SERPINA12: variants seen among roughly 807,000 people sequenced by gnomAD.
SERPINA12 encodes serpin family A member 12, also known as serpin A12.
A neutral mutation model predicts 25.9 loss-of-function variants in SERPINA12; 21 were observed. The observed-to-expected ratio is 0.81, with a 90% CI of 0.58 to 1.17. SERPINA12 has a LOEUF of 1.17. SERPINA12 is among the 50% of genes most tolerant of loss of function. SERPINA12 has a pLI of 0.00. For missense variants in SERPINA12, 562 were observed against 508.3 expected (o/e 1.11, Z -1.02); for synonymous variants, 220 against 196.0 (o/e 1.12, Z -1.02).
At chr14:94,489,574 AG>A in intron 4 of SERPINA12, 45 bp downstream of exon 4, 1 of 1,594,458 alleles carries the variant, frequency 6.3e-7, no homozygotes, top group Non-Finnish European at 8.6e-7. Flanking sequence ...GGCTGGGGGA[AG>A]GCCCCTGTGC....
chr14:94,495,770 A>G (rs1900390941), intron 3 of SERPINA12, among the ~76,000 whole-genome samples: 1 of 152,176 alleles, frequency 6.6e-6, no homozygotes, highest in South Asian at 2.1e-4. Context: ...CGCTGACACT[A>G]AGTCCCCAAG....
chr14:94,497,288 C>A (rs994011619), intron 2 of SERPINA12, among the ~76,000 whole-genome samples: 1 of 152,156 alleles, frequency 6.6e-6, no homozygotes, highest in African/African-American at 2.4e-5. Context: ...GGAGACCCAC[C>A]AAGTGATCAC....
At chr14:94,514,223 T>C (rs1003238976), upstream of SERPINA12, among the ~76,000 whole-genome samples, 1 of 152,258 alleles carries the variant, frequency 6.6e-6, no homozygotes, top group Non-Finnish European at 1.5e-5. Flanking sequence ...CTTTAATTAT[T>C]ATTTTGTGAT....
intron 1 of SERPINA12, among the ~76,000 whole-genome samples, chr14:94,501,500 A>T (rs1900720913): frequency 6.6e-6 from 1 of 152,192 alleles, no homozygotes; most frequent in South Asian, 2.1e-4. Context: ...CCAGGTCTGG[A>T]TAGCGGTCCT....
intron 3 of SERPINA12, among the ~76,000 whole-genome samples, chr14:94,496,081 T>C (rs1900403753): frequency 6.6e-6 from 1 of 152,154 alleles, no homozygotes; most frequent in Admixed American, 6.5e-5. Context: ...AGACTGCCAC[T>C]CACCCTTGAA....
chr14:94,492,628 C>T (rs952615281), intron 3 of SERPINA12, among the ~76,000 whole-genome samples: 12 of 152,296 alleles, frequency 7.9e-5, no homozygotes, highest in African/African-American at 2.9e-4. Flanking sequence ...GGGTGATGTT[C>T]CTGAGTAGCA....
intron 1 of SERPINA12, chr14:94,501,012 C>T: frequency 4.1e-6 from 4 of 985,040 alleles, no homozygotes; most frequent in African/African-American, 1.8e-5. Context: ...CCTTCTACCC[C>T]CAAAAACCAC....
At position 94,487,378 on chromosome 14, in the gene SERPINA12, A is replaced by G. The variant is rs1384885932; in HGVS notation, c.1170T>C (p.Tyr390=). ...TTTTCTCGCTGTAAATCAGCAGCAG[A>G]TAGGGTTTGTCTATCTTGACGACGA... The part of the protein sequence containing the change: ...TPLVVKIDKP[Y]LLLIYSEKIP... Residue 390 remains tyrosine (Y), a synonymous_variant, in exon 5 of 5, where the codon TAT becomes TAC. Transcript: ENST00000677451. 7.4e-6 allele frequency: 12 copies of G among 1,613,984 alleles called. No individual in the cohort carries two copies. The East Asian group carries it at 1.8e-4, about 24-fold the overall frequency.
At chr14:94,515,594 G>A (rs1010327789) in intron 2 of SERPINA12, among the ~76,000 whole-genome samples, 2 of 152,164 alleles carry the variant, frequency 1.3e-5, no homozygotes, top group Admixed American at 6.5e-5. Flanking sequence ...AGCTGGGGAC[G>A]GCAGGGACAG....
chr14:94,514,594 G>A (rs1324995997), intron 2 of SERPINA12, among the ~76,000 whole-genome samples: 1 of 152,238 alleles, frequency 6.6e-6, no homozygotes, highest in Admixed American at 6.5e-5. Context: ...TGGGCATTGG[G>A]GGTGGGGTGC....
chr14:94,514,881 C>T (rs1279277234), intron 2 of SERPINA12, among the ~76,000 whole-genome samples: 1 of 152,120 alleles, frequency 6.6e-6, no homozygotes, highest in Admixed American at 6.5e-5. Flanking sequence ...GGCTGGATGT[C>T]AAGACAGGAT....
chr14:94,515,109 G>A (rs1246313713), intron 2 of SERPINA12, among the ~76,000 whole-genome samples: 1 of 152,234 alleles, frequency 6.6e-6, no homozygotes, highest in Non-Finnish European at 1.5e-5. Context: ...GTCCCCAAGG[G>A]CCAGCACGGC....
At chr14:94,516,834 C>T (rs1222140563) in intron 1 of SERPINA12, among the ~76,000 whole-genome samples, 4 of 152,178 alleles carry the variant, frequency 2.6e-5, no homozygotes, top group Non-Finnish European at 4.4e-5. Flanking sequence ...CACTTCTGAA[C>T]ACAGGGGTCA....
chr14:94,516,620 A>G (rs1438208125), intron 1 of SERPINA12, among the ~76,000 whole-genome samples: 4 of 152,152 alleles, frequency 2.6e-5, no homozygotes, highest in South Asian at 2.1e-4. Flanking sequence ...CTCGTAGCCA[A>G]CTCTTACCTG....
chr14:94,487,550 G>T, intron 4 of SERPINA12, 56 bp from the exon 5 acceptor site: 1 of 1,482,366 alleles, frequency 6.7e-7, no homozygotes, highest in Non-Finnish European at 9.1e-7. Flanking sequence ...GACCACAGTG[G>T]GCCGGAGGCC....
intron 1 of SERPINA12, among the ~76,000 whole-genome samples, chr14:94,502,364 G>A (rs7159023): frequency 0.041 from 6,298 of 152,248 alleles, 219 homozygotes; most frequent in South Asian, 0.098. Flanking sequence ...AAGTCTACAC[G>A]AGAAGGGGTT....
Position 94,487,529 on chromosome 14 carries a change from A to T in SERPINA12, c.1054-35T>A, listed in dbSNP as rs747167537. On this transcript the variant is annotated intron_variant, in intron 4 of 4. Coordinates refer to ENST00000677451, the MANE Select transcript of SERPINA12 (RefSeq NM_001382267.1). ...CCAAGGGCAAAGTCAAGGTCTGCCA[A>T]GCTCCTTGGCGACCACAGTGGGCCG... The T allele has an allele frequency of 2.4e-5, 38 of 1,562,272 alleles. No individual in the cohort carries two copies. In the Middle Eastern group the frequency reaches 2.5e-3, roughly 104 times the overall value.
chr14:94,489,893 A>T, intron 3 of SERPINA12, 126 bp from the exon 4 acceptor site: 2 of 922,358 alleles, frequency 2.2e-6, no homozygotes, highest in Non-Finnish European at 3.3e-6. Context: ...CTCTCCATCC[A>T]CAGAATGAGG....
Position 94,487,464 on chromosome 14 carries a change from C to T in SERPINA12, c.1084G>A (p.Glu362Lys), listed in dbSNP as rs766329389. The T allele has an allele frequency of 5.0e-6, 8 of 1,613,818 alleles. No individual in the cohort carries two copies. The highest frequency in any genetic ancestry group is 4.5e-5 in the East Asian group (2 of 44,858). ...CCAGCGGCCCCTTCCGTACCCCTCT[C>T]ATCCATCTTCAGCTCAGCCTTGTGC... The part of the protein sequence containing the change: ...AVHKAELKMD[E>K]RGTEGAAGTG... Residue 362 changes from glutamate to lysine, a missense_variant, in exon 5 of 5, where the codon GAG (glutamate) becomes AAG (lysine). Coordinates refer to ENST00000677451, the MANE Select transcript of SERPINA12 (RefSeq NM_001382267.1).
Sources: gnomAD v4.1 joint callset for allele counts (sites outside exome capture counted in the v4.1 genomes callset) on GRCh38, gnomAD v4.1.1 for gene constraint, MANE v1.5 for transcripts, NCBI Gene and HGNC (gene_info 2026-07-23, HGNC 2026-07-21) for gene names.